LNP1: variants seen among roughly 807,000 people sequenced by gnomAD.
The protein encoded by LNP1 is leukemia NUP98 fusion partner 1.
A neutral mutation model predicts 14.5 loss-of-function variants in LNP1; 12 were observed. The ratio of observed to expected loss-of-function variants is 0.83; its 90% CI spans 0.53 to 1.34. The LOEUF (loss-of-function observed/expected upper bound fraction) is 1.34. LNP1 is among the 40% of genes most tolerant of loss of function. LNP1 has a pLI of 0.00. For missense variants in LNP1, 198 were observed against 210.9 expected (o/e 0.94, Z 0.38); for synonymous variants, 75 against 71.4 (o/e 1.05, Z -0.26).
chr3:100,415,758 A>G (rs113858350), intron 1 of LNP1, among the ~76,000 whole-genome samples: 2,244 of 152,286 alleles, frequency 0.015, 57 homozygotes, highest in African/African-American at 0.048. Context: ...GGATTATTAT[A>G]AAGATAACAC....
At chr3:100,427,224 TG>T (rs983041002) in intron 1 of LNP1, among the ~76,000 whole-genome samples, 1 of 151,846 alleles carries the variant, frequency 6.6e-6, no homozygotes, top group African/African-American at 2.4e-5. Flanking sequence ...GAGAAAGCAA[TG>T]CAAACTTTTA....
At chr3:100,437,531 G>A (rs2148905306) in intron 2 of LNP1, among the ~76,000 whole-genome samples, 1 of 152,270 alleles carries the variant, frequency 6.6e-6, no homozygotes, top group South Asian at 2.1e-4. Context: ...GATGTACAGT[G>A]CATGGTTACT....
At chr3:100,426,590 C>T (rs1047289998) in intron 1 of LNP1, among the ~76,000 whole-genome samples, 1 of 152,174 alleles carries the variant, frequency 6.6e-6, no homozygotes, top group African/African-American at 2.4e-5. Flanking sequence ...AGACAGACAC[C>T]TGATTATATA....
At position 100,431,828 on chromosome 3, in the gene LNP1, CAA is replaced by C. The variant is rs761853159; in HGVS notation, c.156+1962_156+1963del. 0.031 allele frequency among the ~76,000 whole-genome samples: 2,035 copies of C among 65,290 alleles called. 201 individuals are homozygous for C. In the East Asian group the frequency reaches 0.39, roughly 13 times the overall value. The allele number at this position is 65,290 out of a possible 152,430, so 42.8% of individuals were successfully genotyped here. On this transcript the variant is annotated intron_variant, in intron 2 of 3. Transcript: ENST00000383693. Reference sequence around the variant, plus strand: ...GGCAACATAGTGAGACTCCGTCTCTCAAAAAAAAAAAAAAAAAAAATAGCAGG... The same window carrying C: ...GGCAACATAGTGAGACTCCGTCTCTCAAAAAAAAAAAAAAAAAATAGCAGG...
At chr3:100,446,644 A>G (rs1473451306) in intron 2 of LNP1, among the ~76,000 whole-genome samples, 1 of 152,230 alleles carries the variant, frequency 6.6e-6, no homozygotes, top group African/African-American at 2.4e-5. Context: ...AAAAGAAACT[A>G]CCATCAGAGT....
chr3:100,408,694 A>AC (rs1222750839), intron 1 of LNP1, among the ~76,000 whole-genome samples: 1 of 152,090 alleles, frequency 6.6e-6, no homozygotes, highest in Non-Finnish European at 1.5e-5. Context: ...GGGGGGGTCT[A>AC]CCCAGTGCTG....
rs1706919476 is a variant in LNP1, at chr3:100,402,387, T to A, written c.-86T>A. The A allele has an allele frequency of 6.6e-6, 1 of 152,234 alleles. No homozygotes were observed. Among genetic ancestry groups the A allele is most frequent in the Non-Finnish European group, 1.5e-5 (1 of 68,036 alleles). The allele number at this position is 152,234 out of a possible 1,614,324, so 9.4% of individuals were successfully genotyped here. A position where few individuals can be genotyped will look rare whatever the true frequency, so the allele number is the denominator to read the frequency against. Reference sequence around the variant, plus strand: ...TGGCACCAGAATGGACTGATTAAAATAGAATGGCCTAATTGGAAAGAATTT... The same window carrying A: ...TGGCACCAGAATGGACTGATTAAAAAAGAATGGCCTAATTGGAAAGAATTT... On this transcript the variant is annotated 5_prime_UTR_variant, in exon 1 of 4. Transcript: ENST00000383693.
intron 1 of LNP1, 30 bp from the exon 2 acceptor site, chr3:100,429,667 T>C (rs897499233): frequency 7.6e-6 from 11 of 1,448,842 alleles, no homozygotes; most frequent in African/African-American, 1.4e-5. Context: ...GTCAGCCCTG[T>C]TGGGTGATAT....
intron 2 of LNP1, among the ~76,000 whole-genome samples, chr3:100,437,796 T>C (rs979470338): frequency 1.3e-5 from 2 of 152,346 alleles, no homozygotes; most frequent in Middle Eastern, 3.4e-3. Flanking sequence ...AAAAGTCACA[T>C]TTACAGGCAG....
At chr3:100,440,646 C>G (rs1427715539) in intron 2 of LNP1, among the ~76,000 whole-genome samples, 1 of 152,096 alleles carries the variant, frequency 6.6e-6, no homozygotes, top group Admixed American at 6.6e-5. Context: ...TTCTTCTATT[C>G]TTTATACTGT....
intron 3 of LNP1, among the ~76,000 whole-genome samples, chr3:100,454,606 C>T (rs1290673770): frequency 6.6e-6 from 1 of 152,116 alleles, no homozygotes; most frequent in Non-Finnish European, 1.5e-5. Flanking sequence ...TTTAAAAATT[C>T]AGTGGGCTTC....
chr3:100,441,896 G>A (rs1227229768), intron 2 of LNP1, among the ~76,000 whole-genome samples: 3 of 151,892 alleles, frequency 2.0e-5, no homozygotes, highest in African/African-American at 4.8e-5. Flanking sequence ...AACTCCTGAT[G>A]TCAGGTGATC....
chr3:100,422,037 CTTGTTTG>C (rs1707148088), intron 1 of LNP1, among the ~76,000 whole-genome samples: 1 of 152,102 alleles, frequency 6.6e-6, no homozygotes, highest in Non-Finnish European at 1.5e-5. Context: ...TCCCCCAGTT[CTTGTTTG>C]GATCACTTCT....
chr3:100,453,027 G>T (rs1468197698), intron 3 of LNP1, among the ~76,000 whole-genome samples: 1 of 152,178 alleles, frequency 6.6e-6, no homozygotes, highest in African/African-American at 2.4e-5. Context: ...TAAGTGTAAT[G>T]ACTTCTGGTT....
chr3:100,406,856 T>C (rs1706972643), intron 1 of LNP1, among the ~76,000 whole-genome samples: 1 of 152,200 alleles, frequency 6.6e-6, no homozygotes, highest in African/African-American at 2.4e-5. Flanking sequence ...AGTGTATCTA[T>C]TGTCGGTTTT....
intron 1 of LNP1, among the ~76,000 whole-genome samples, chr3:100,422,319 GACT>G (rs1707151076): frequency 6.6e-6 from 1 of 151,850 alleles, no homozygotes; most frequent in African/African-American, 2.4e-5. Flanking sequence ...GAGTAGCTGG[GACT>G]ATAGGCACCT....
intron 1 of LNP1, among the ~76,000 whole-genome samples, chr3:100,421,320 C>T (rs936463256): frequency 3.9e-5 from 6 of 152,168 alleles, no homozygotes; most frequent in Non-Finnish European, 5.9e-5. Flanking sequence ...TATTCAGGTC[C>T]ACCCACAGTA....
At chr3:100,431,286 T>G (rs1707239797) in intron 2 of LNP1, among the ~76,000 whole-genome samples, 1 of 152,216 alleles carries the variant, frequency 6.6e-6, no homozygotes, top group Non-Finnish European at 1.5e-5. Context: ...GTTACCCCAT[T>G]TACAGAATTC....
chr3:100,435,307 C>T (rs1366086312), intron 2 of LNP1, among the ~76,000 whole-genome samples: 1 of 152,116 alleles, frequency 6.6e-6, no homozygotes, highest in Non-Finnish European at 1.5e-5. Flanking sequence ...TGCTCTGGAG[C>T]TGGCCTCCCG....
Sources: gnomAD v4.1 joint callset for allele counts (sites outside exome capture counted in the v4.1 genomes callset) on GRCh38, gnomAD v4.1.1 for gene constraint, MANE v1.5 for transcripts, NCBI Gene and HGNC (gene_info 2026-07-23, HGNC 2026-07-21) for gene names.